G2E3: variants seen among roughly 807,000 people sequenced by gnomAD.
G2E3 encodes the protein G2/M-phase specific E3 ubiquitin protein ligase, also known as G2/M phase-specific E3 ubiquitin-protein ligase.
In G2E3, 35 loss-of-function variants were observed where a neutral mutation model predicts 92.8. That is an observed-to-expected ratio of 0.38 (90% CI 0.29 to 0.50). The LOEUF (loss-of-function observed/expected upper bound fraction) is 0.50. G2E3 is among the 20% of genes least tolerant of loss of function. The probability of loss-of-function intolerance (pLI) is 0.94; values close to 1 mark genes in which losing one functional copy is unlikely to be tolerated. For missense variants in G2E3, 554 were observed against 823.8 expected (o/e 0.67, Z 4.01); for synonymous variants, 242 against 272.4 (o/e 0.89, Z 1.10).
At chr14:30,580,904 C>T in intron 1 of G2E3, 172 bp from the exon 2 acceptor site, 1 of 562,842 alleles carries the variant, frequency 1.8e-6, no homozygotes, top group South Asian at 2.0e-5. Flanking sequence ...GTTCCCGACT[C>T]TTAACACCCC....
At chr14:30,603,774 G>T (rs915019486) in intron 10 of G2E3, among the ~76,000 whole-genome samples, 1 of 152,202 alleles carries the variant, frequency 6.6e-6, no homozygotes, top group African/African-American at 2.4e-5. Flanking sequence ...GAGCCCAGGA[G>T]TTCAAGCTGC....
rs1283081291 is a variant in G2E3, at chr14:30,589,388, G to A, written c.141G>A (p.Met47Ile). 2 of 1,566,754 alleles carry A rather than the reference G, an allele frequency of 1.3e-6. No homozygotes were observed. The highest frequency in any genetic ancestry group is 8.8e-7 in the Non-Finnish European group (1 of 1,138,170). The change falls in exon 4 of 15, where the codon ATG (methionine) becomes ATA (isoleucine). Residue 47 changes from methionine (M) to isoleucine (I), a missense_variant. By Grantham distance (10) the Met-to-Ile change is conservative. Around this residue, in one of 3 missense-constraint regions of G2E3, gnomAD observed 137 missense variants for 201.3 expected, o/e 0.68. Transcript: ENST00000206595. ...NLTVHYYCLL[M>I]SSGIWQRGKE... is the part of the protein sequence containing the mutation. ...AATTGAGAATATATTCATAGTTGAT[G>A]TCAAGTGGAATTTGGCAGAGAGGCA... is the stretch of plus-strand genomic sequence containing the variant.
At position 30,612,371 on chromosome 14, in the gene G2E3, C is replaced by A; in HGVS notation, c.1665C>A (p.Pro555=). The A allele has an allele frequency of 6.4e-7, 1 of 1,564,132 alleles. No individual in the cohort carries two copies. Among genetic ancestry groups the A allele is most frequent in the South Asian group, 1.2e-5 (1 of 81,318 alleles). ...GYHVIQRVHT[P]FESFKQGLKT... is the part of the protein sequence containing the mutation. ...ATGTAATTCAGAGAGTCCACACACC[C>A]TTTGAAAGGTAAGTTGTTTCTATTA... Residue 555 remains proline (P), a synonymous_variant, in exon 13 of 15, where the codon CCC becomes CCA. Coordinates refer to ENST00000206595, the MANE Select transcript of G2E3 (RefSeq NM_017769.5).
rs149230135 is a variant in G2E3, at chr14:30,576,462, A to G, written c.-4-4614A>G. 3.6e-3 allele frequency among the ~76,000 whole-genome samples: 554 copies of G among 152,348 alleles called. 6 individuals are homozygous for G. Among genetic ancestry groups the G allele is most frequent in the African/African-American group, 0.013 (524 of 41,574 alleles). ...TATCATCCTGGACATAAGAATGGGC[A>G]AAGATTTCATGACAAGGACTCCAAA... is the stretch of plus-strand genomic sequence containing the variant. On this transcript the variant is annotated intron_variant, in intron 1 of 14. Transcript: ENST00000206595.
chr14:30,576,892 A>G (rs1299487379), intron 1 of G2E3, among the ~76,000 whole-genome samples: 1 of 152,148 alleles, frequency 6.6e-6, no homozygotes, highest in Non-Finnish European at 1.5e-5. Flanking sequence ...TTTTCTGTAT[A>G]TTCAATGTCA....
At chr14:30,612,180 G>C (rs765408925) in intron 12 of G2E3, 27 bp from the exon 13 acceptor site, 2 of 1,547,942 alleles carry the variant, frequency 1.3e-6, no homozygotes, top group South Asian at 2.3e-5. Context: ...AATGAGTAAA[G>C]TGGCTGTATT....
chr14:30,593,206 T>C (rs1190640097), intron 5 of G2E3, among the ~76,000 whole-genome samples: 1 of 152,138 alleles, frequency 6.6e-6, no homozygotes, highest in African/African-American at 2.4e-5. Flanking sequence ...TTGCTGACAA[T>C]ATTACACAGG....
intron 10 of G2E3, among the ~76,000 whole-genome samples, chr14:30,604,631 C>T (rs373906130): frequency 1.3e-5 from 2 of 152,326 alleles, no homozygotes; most frequent in African/African-American, 2.4e-5. Flanking sequence ...TTGTGACTTA[C>T]TGATCTAGAC....
chr14:30,590,275 TGAA>T (rs1880931090), intron 4 of G2E3, among the ~76,000 whole-genome samples: 1 of 152,130 alleles, frequency 6.6e-6, no homozygotes, highest in Admixed American at 6.6e-5. Flanking sequence ...ACATTATAGT[TGAA>T]GAAGTCAAAG....
At chr14:30,616,257 T>C in intron 14 of G2E3, 21 bp from the exon 15 acceptor site, 1 of 1,536,538 alleles carries the variant, frequency 6.5e-7, no homozygotes, top group South Asian at 1.1e-5. Context: ...CTTTTACTCT[T>C]TTATTGGTAA....
chr14:30,615,563 T>G (rs754753838), intron 14 of G2E3, 24 bp downstream of exon 14: 12 of 1,384,634 alleles, frequency 8.7e-6, no homozygotes, highest in Non-Finnish European at 1.2e-5. Flanking sequence ...TTATTTTACT[T>G]TTAACGATCT....
At chr14:30,596,245 T>C (rs571355219) in intron 6 of G2E3, among the ~76,000 whole-genome samples, 1 of 152,090 alleles carries the variant, frequency 6.6e-6, no homozygotes, top group African/African-American at 2.4e-5. Context: ...CCAAGTGTAA[T>C]CAAGTCTACT....
intron 5 of G2E3, 63 bp downstream of exon 5, chr14:30,592,510 C>T: frequency 6.6e-6 from 8 of 1,209,766 alleles, no homozygotes; most frequent in East Asian, 2.4e-5. Context: ...AATACATATC[C>T]CAATGATATA....
At chr14:30,602,489 T>A (rs1881618654) in intron 10 of G2E3, among the ~76,000 whole-genome samples, 1 of 152,306 alleles carries the variant, frequency 6.6e-6, no homozygotes, top group South Asian at 2.1e-4. Context: ...TGAAAAACAC[T>A]GGTCTGGAAA....
At chr14:30,602,168 A>G (rs1881601945) in intron 10 of G2E3, 37 bp downstream of exon 10, 6 of 1,500,530 alleles carry the variant, frequency 4.0e-6, no homozygotes, top group Non-Finnish European at 5.5e-6. Context: ...ATAAAAATCT[A>G]TTTGGAGAAA....
chr14:30,613,604 T>C (rs1339691107), intron 13 of G2E3, among the ~76,000 whole-genome samples: 4 of 152,168 alleles, frequency 2.6e-5, no homozygotes, highest in Non-Finnish European at 5.9e-5. Flanking sequence ...TGCTAGAGAT[T>C]CTTAGTTTTG....
intron 1 of G2E3, among the ~76,000 whole-genome samples, chr14:30,563,697 G>T (rs1478461298): frequency 2.8e-5 from 1 of 35,466 alleles, no homozygotes; most frequent in East Asian, 7.4e-4. Flanking sequence ...TGTTACTTTT[G>T]TGTGTGTGTG....
chr14:30,603,774 G>A (rs915019486), intron 10 of G2E3, among the ~76,000 whole-genome samples: 1 of 152,202 alleles, frequency 6.6e-6, no homozygotes, highest in Non-Finnish European at 1.5e-5. Context: ...GAGCCCAGGA[G>A]TTCAAGCTGC....
chr14:30,587,183 G>A lies in G2E3; in HGVS notation c.135+368G>A, dbSNP rs567685045. ...GAAAAGATTTGTTTGAGGGTTCAGG[G>A]AGTGGAATAAAAGTATTTTATTTCA... On this transcript the variant is annotated intron_variant, in intron 3 of 14. Transcript: ENST00000206595. Among the ~76,000 whole-genome samples, 3 of 152,216 alleles carry A rather than the reference G, an allele frequency of 2.0e-5. No individual in the cohort carries two copies. The East Asian group carries it at 5.8e-4, about 29-fold the overall frequency.
Sources: allele counts gnomAD v4.1 joint callset (sites outside exome capture counted in the v4.1 genomes callset), GRCh38; gene constraint gnomAD v4.1.1; regional missense constraint gnomAD v4.1.1; transcripts MANE v1.5; gene names NCBI Gene and HGNC (gene_info 2026-07-23, HGNC 2026-07-21).